Variants in GRID2IP observed in about 807,000 individuals in gnomAD.
GRID2IP encodes the protein Grid2 interacting protein.
Under a neutral mutation model 114.3 loss-of-function variants are expected in GRID2IP, and 78 were observed. That is an observed-to-expected ratio of 0.68 (90% CI 0.57 to 0.82). GRID2IP has a LOEUF of 0.82. Ranked by LOEUF, GRID2IP falls within the 40% of genes least tolerant of loss-of-function variation. The pLI is 0.00. For missense variants in GRID2IP, 1,727 were observed against 1,678.5 expected (o/e 1.03, Z -0.51); for synonymous variants, 809 against 724.0 (o/e 1.12, Z -1.89).
In GRID2IP at chr7:6,528,664, T is replaced by C. The variant is rs1779561038; in HGVS notation, c.585-1895A>G. Among the ~76,000 whole-genome samples the C allele has an allele frequency of 6.6e-6, 1 of 152,126 alleles. No individual in the cohort carries two copies. Among genetic ancestry groups the C allele is most frequent in the African/African-American group, 2.4e-5 (1 of 41,422 alleles). ...TGAGGTGTCCCAGCGGCCCTCACAC[T>C]TCCCTCCACCTCTGTGGGTAGGAGT... On this transcript the variant is annotated intron_variant, in intron 2 of 21. Transcript: ENST00000457091. The surrounding 1 kb of genome is among the most constrained non-coding windows in gnomAD (Gnocchi z 6.0).
chr7:6,516,591 TG>T lies in GRID2IP; in HGVS notation c.1269-2063del, dbSNP rs984601026. Among the ~76,000 whole-genome samples the T allele has an allele frequency of 3.9e-5, 6 of 152,128 alleles. No homozygotes were observed. The South Asian group carries it at 6.2e-4, about 16-fold the overall frequency. On this transcript the variant is annotated intron_variant, in intron 7 of 21. Transcript: ENST00000457091. The surrounding 1 kb of genome is among the most constrained non-coding windows in gnomAD (Gnocchi z 4.3). Reference sequence around the variant, plus strand: ...ACCGGGAAAGGGAGTCTCCCTTTCCTGGTGGAGTTAAAGAAGACTCTGCTCC... The same window carrying T: ...ACCGGGAAAGGGAGTCTCCCTTTCCTGTGGAGTTAAAGAAGACTCTGCTCC...
intron 20 of GRID2IP, among the ~76,000 whole-genome samples, chr7:6,500,228 C>T (rs149502418): frequency 0.062 from 9,484 of 151,878 alleles, 442 homozygotes; most frequent in East Asian, 0.23. Flanking sequence ...CTTTGGGAGG[C>T]CGAGGCAGGT....
chr7:6,535,423 GC>G (rs1200918902), intron 2 of GRID2IP, among the ~76,000 whole-genome samples: 1 of 152,204 alleles, frequency 6.6e-6, no homozygotes, highest in Non-Finnish European at 1.5e-5. Context: ...TTCTCCCCAA[GC>G]CTTCTATTTT....
In GRID2IP at chr7:6,544,807, C is replaced by T. The variant is rs141603113; in HGVS notation, c.430-4935G>A. ...CTCTAAAAAATGAAAGACAGCCGGG[C>T]GCGGTGGCTCATGCCTGTAATCCCA... On this transcript the variant is annotated intron_variant, in intron 1 of 21. Coordinates refer to ENST00000457091, the MANE Select transcript of GRID2IP (RefSeq NM_001145118.2). Among the ~76,000 whole-genome samples the T allele has an allele frequency of 3.3e-3, 505 of 152,034 alleles. 3 individuals are homozygous for T. Among genetic ancestry groups the T allele is most frequent in the African/African-American group, 0.011 (475 of 41,502 alleles).
At chr7:6,527,776 T>C (rs897493303) in intron 2 of GRID2IP, among the ~76,000 whole-genome samples, 2 of 151,092 alleles carry the variant, frequency 1.3e-5, no homozygotes, top group African/African-American at 2.4e-5. Context: ...TTTTTTTTTT[T>C]CAGACAGAGT....
Position 6,521,867 on chromosome 7 carries a change from G to C in GRID2IP, c.989+21C>G. 1 of 1,540,800 alleles carries C rather than the reference G, an allele frequency of 6.5e-7. No individual in the cohort carries two copies. Among genetic ancestry groups the C allele is most frequent in the Non-Finnish European group, 8.8e-7 (1 of 1,137,216 alleles). On this transcript the variant is annotated intron_variant, in intron 5 of 21. Coordinates refer to ENST00000457091, the MANE Select transcript of GRID2IP (RefSeq NM_001145118.2). This position sits in a 1 kb window ranked among gnomAD's most constrained non-coding sequence, Gnocchi z 4.1. The stretch of plus-strand genomic sequence containing the variant: ...GGGGGCAGCTCCTCACCAACCCCTG[G>C]TGTCCCCAATAGCCTCTGACCTCAT...
intron 1 of GRID2IP, among the ~76,000 whole-genome samples, chr7:6,542,114 C>T (rs1779822247): frequency 6.6e-6 from 1 of 151,836 alleles, no homozygotes; most frequent in Non-Finnish European, 1.5e-5. Context: ...CCAGCCTGGC[C>T]AACATGGTGA....
chr7:6,534,966 A>G lies in GRID2IP; in HGVS notation c.584+4752T>C, dbSNP rs900940571. Among the ~76,000 whole-genome samples, 1 of 152,162 alleles carries G rather than the reference A, an allele frequency of 6.6e-6. No individual in the cohort carries two copies. The highest frequency in any genetic ancestry group is 2.4e-5 in the African/African-American group (1 of 41,414). ...AATGGCACGATCTCGGCTCACTGCA[A>G]TCTCCGCCTCCCAGGTTCAAGCGAT... On this transcript the variant is annotated intron_variant, in intron 2 of 21. Transcript: ENST00000457091. The surrounding 1 kb of genome is among the most constrained non-coding windows in gnomAD (Gnocchi z 4.5).
intron 1 of GRID2IP, among the ~76,000 whole-genome samples, chr7:6,544,714 G>A (rs1322903631): frequency 1.3e-5 from 2 of 152,140 alleles, no homozygotes; most frequent in African/African-American, 4.8e-5. Flanking sequence ...GCTTTGGGAG[G>A]ACAAGGCGGG....
chr7:6,501,681 C>T, intron 20 of GRID2IP, 100 bp downstream of exon 20: 1 of 815,014 alleles, frequency 1.2e-6, no homozygotes, highest in Admixed American at 2.1e-5. Context: ...AGAATCTCTG[C>T]TGGAAGTCGA....
At position 6,511,763 on chromosome 7, in the gene GRID2IP, G is replaced by T. The variant is rs77697382; in HGVS notation, c.1424-724C>A. 4.9e-3 allele frequency among the ~76,000 whole-genome samples: 740 copies of T among 152,294 alleles called. 2 individuals carry two copies. The highest frequency in any genetic ancestry group is 0.017 in the African/African-American group (707 of 41,560). ...CTTCTCGCTAAAACCCTAGCAAATT[G>T]TGGGTCCCTGGGACTGCAGCTCATG... On this transcript the variant is annotated intron_variant, in intron 8 of 21. Transcript: ENST00000457091.
At chr7:6,513,580 C>T (rs1779222735) in intron 8 of GRID2IP, among the ~76,000 whole-genome samples, 1 of 152,146 alleles carries the variant, frequency 6.6e-6, no homozygotes, top group African/African-American at 2.4e-5. Flanking sequence ...CCACTGAGAC[C>T]ACTTCCATTT....
At position 6,551,063 on chromosome 7, in the gene GRID2IP, C is replaced by A. The variant is rs1416014822; in HGVS notation, c.374G>T (p.Arg125Leu). The A allele has an allele frequency of 4.6e-6, 6 of 1,311,180 alleles. No homozygotes were observed. In the South Asian group the frequency reaches 8.6e-5, roughly 19 times the overall value. The allele number at this position is 1,311,180 out of a possible 1,614,324, so 81.2% of individuals were successfully genotyped here. Reference protein sequence around the residue: ...RELLRLAGRKRPDAVHRERRR... With the variant: ...RELLRLAGRKLPDAVHRERRR... ...GCGCTCTCGGTGCACCGCGTCCGGG[C>A]GCTTGCGGCCGGCCAGGCGAAGCAG... The change falls in exon 1 of 22, where the codon CGC becomes CTC. Residue 125 changes from arginine to leucine, a missense_variant. Arg to Leu is a moderately radical substitution (Grantham distance 102). Transcript: ENST00000457091.
intron 1 of GRID2IP, among the ~76,000 whole-genome samples, chr7:6,543,352 G>A (rs1583354763): frequency 1.3e-5 from 2 of 151,498 alleles, no homozygotes; most frequent in Admixed American, 6.6e-5. Context: ...AGCCAAGATC[G>A]TGCCACTGCA....
rs1779375063 is a variant in GRID2IP at position 6,519,604 on chromosome 7, A to G, written c.1268+974T>C. Among the ~76,000 whole-genome samples, 1 of 151,976 alleles carries G rather than the reference A, an allele frequency of 6.6e-6. No individual in the cohort carries two copies. The highest frequency in any genetic ancestry group is 6.6e-5 in the Admixed American group (1 of 15,238). ...GAAACCCTATCTCTACTAAAAGTAC[A>G]AAATTAGCCAGGCGTGGTGGCATAT... On this transcript the variant is annotated intron_variant, in intron 7 of 21. Coordinates refer to ENST00000457091, the MANE Select transcript of GRID2IP (RefSeq NM_001145118.2). This position sits in a 1 kb window ranked among gnomAD's most constrained non-coding sequence, Gnocchi z 4.1.
At chr7:6,548,638 C>G (rs1000638289) in intron 1 of GRID2IP, among the ~76,000 whole-genome samples, 8 of 151,934 alleles carry the variant, frequency 5.3e-5, no homozygotes, top group Non-Finnish European at 8.8e-5. Context: ...GAGTTCAAGA[C>G]CAGCCTGACC....
Position 6,504,829 on chromosome 7 carries a change from C to T in GRID2IP, c.2674G>A (p.Val892Met). ...GPEPFRKKEV[V>M]EILSHKKAYN... The stretch of plus-strand genomic sequence containing the variant: ...GCCTTCTTATGGGACAGGATCTCCA[C>T]CACCTCCTTCTTCCGGAAGGGCTCC... The change falls in exon 15 of 22, where the codon GTG becomes ATG. Residue 892 changes from valine to methionine, a missense_variant. By Grantham distance (21) the Val-to-Met change is conservative (BLOSUM62 1). Coordinates refer to ENST00000457091, the MANE Select transcript of GRID2IP (RefSeq NM_001145118.2). 6.4e-7 allele frequency: 1 copy of T among 1,551,440 alleles called. No homozygotes were observed. Among genetic ancestry groups the T allele is most frequent in the Non-Finnish European group, 8.7e-7 (1 of 1,146,854 alleles).
chr7:6,538,924 G>A (rs772476089), intron 2 of GRID2IP, among the ~76,000 whole-genome samples: 1 of 152,012 alleles, frequency 6.6e-6, no homozygotes, highest in African/African-American at 2.4e-5. Flanking sequence ...AGAGAAGAAA[G>A]GAAAGAAAGG....
Position 6,503,025 on chromosome 7 carries a change from G to A in GRID2IP, c.3046C>T (p.Leu1016Phe). The A allele has an allele frequency of 6.4e-7, 1 of 1,551,530 alleles. No homozygotes were observed. The highest frequency in any genetic ancestry group is 8.7e-7 in the Non-Finnish European group (1 of 1,146,982). Residue 1016 changes from leucine to phenylalanine, a missense_variant, in exon 17 of 22, where the codon CTC becomes TTC. Physicochemically the swap from Leu to Phe is conservative, Grantham distance 22. Transcript: ENST00000457091. ...CCACTGACCTCCAGGATCTTGGCGA[G>A]CTTCCGACTGTTTTTGAGCTCCAGG... ...ASLELKNSRK[L>F]AKILEFVLAM...
Sources: gnomAD v4.1 joint callset for allele counts (sites outside exome capture counted in the v4.1 genomes callset) on GRCh38, gnomAD v4.1.1 for gene constraint, Gnocchi (gnomAD v3.1) non-coding constraint, MANE v1.5 for transcripts, NCBI Gene and HGNC (gene_info 2026-07-23, HGNC 2026-07-21) for gene names.